The following VPS13B variants were observed in gnomAD, a reference collection of about 807,000 sequenced individuals.
The protein encoded by VPS13B is vacuolar protein sorting 13 homolog B, also known as intermembrane lipid transfer protein VPS13B.
VPS13B carries 285 observed loss-of-function variants against 426.4 expected under a neutral mutation model. The observed-to-expected ratio is 0.67, with a 90% CI of 0.61 to 0.74. The LOEUF is 0.74. VPS13B is among the 30% of genes least tolerant of loss of function. The pLI is 0.00. For missense variants in VPS13B, 4,537 were observed against 4,782.6 expected (o/e 0.95, Z 1.51); for synonymous variants, 1,676 against 1,676.4 (o/e 1.00, Z 0.01).
At chr8:99,440,320 C>T (rs1222013153) in intron 22 of VPS13B, among the ~76,000 whole-genome samples, 2 of 151,992 alleles carry the variant, frequency 1.3e-5, no homozygotes, top group East Asian at 1.9e-4. Flanking sequence ...ATGATCTGAC[C>T]CCCAGCTTGA....
At chr8:99,373,686 C>T (rs1813317186) in intron 19 of VPS13B, among the ~76,000 whole-genome samples, 2 of 152,010 alleles carry the variant, frequency 1.3e-5, no homozygotes. Context: ...AGTGAAACAT[C>T]GTCTCTGCAA....
At chr8:99,611,590 G>T (rs778562841) in intron 33 of VPS13B, among the ~76,000 whole-genome samples, 14 of 151,934 alleles carry the variant, frequency 9.2e-5, no homozygotes, top group Non-Finnish European at 1.9e-4. Flanking sequence ...AGCTTTGGAT[G>T]TGGCAATCAT....
At position 99,521,011 on chromosome 8, in the gene VPS13B, G is replaced by T; in HGVS notation, c.4745+1G>T. The T allele has an allele frequency of 6.2e-7, 1 of 1,612,566 alleles. No individual in the cohort carries two copies. The highest frequency in any genetic ancestry group is 8.5e-7 in the Non-Finnish European group (1 of 1,178,796). Reference sequence around the variant, plus strand: ...CTGTCCTTAGGAAAGATATTTACCAGTAAGTTTATTTTCTTATGTCCAATC... The same window carrying T: ...CTGTCCTTAGGAAAGATATTTACCATTAAGTTTATTTTCTTATGTCCAATC... On this transcript the variant is annotated splice_donor_variant, in intron 30 of 61. Coordinates refer to ENST00000357162, the MANE Select transcript of VPS13B (RefSeq NM_152564.5). LOFTEE classifies it high-confidence loss of function.
Position 99,486,255 on chromosome 8 carries a change from T to A in VPS13B, c.3870+4453T>A, listed in dbSNP as rs192215635. Among the ~76,000 whole-genome samples the A allele has an allele frequency of 1.1e-3, 171 of 152,206 alleles. 5 individuals carry two copies. In the East Asian group the frequency reaches 0.022, roughly 19 times the overall value. Reference sequence around the variant, plus strand: ...TCATGTTTGTTTTGGTTTTTTTTTTTACTATAGTTGTCCAGGCTGGAGTGC... The same window carrying A: ...TCATGTTTGTTTTGGTTTTTTTTTTAACTATAGTTGTCCAGGCTGGAGTGC... On this transcript the variant is annotated intron_variant, in intron 25 of 61. Transcript: ENST00000357162.
intron 35 of VPS13B, among the ~76,000 whole-genome samples, chr8:99,667,124 G>A (rs558770073): frequency 6.6e-6 from 1 of 152,254 alleles, no homozygotes; most frequent in African/African-American, 2.4e-5. Flanking sequence ...TGCATTTGAA[G>A]CTTCCCTGGG....
In VPS13B at chr8:99,041,777, C is replaced by T. The variant is rs527653350; in HGVS notation, c.291+3211C>T. On this transcript the variant is annotated intron_variant, in intron 3 of 61. Coordinates refer to ENST00000357162, the MANE Select transcript of VPS13B (RefSeq NM_152564.5). ...CTGAGGCAGGAGAATGGCATGAACC[C>T]GCGAGGTGGAGTTTGCAGTGATCCG... Among the ~76,000 whole-genome samples the T allele has an allele frequency of 4.7e-4, 71 of 151,486 alleles. 1 individual carries two copies. Among genetic ancestry groups the T allele is most frequent in the Admixed American group, 1.1e-3 (16 of 15,172 alleles).
chr8:99,308,503 A>G lies in VPS13B; in HGVS notation c.2824+33249A>G, dbSNP rs574930727. On this transcript the variant is annotated intron_variant, in intron 19 of 61. Coordinates refer to ENST00000357162, the MANE Select transcript of VPS13B (RefSeq NM_152564.5). The stretch of plus-strand genomic sequence containing the variant: ...CTTCATCCATGTCCCTACAAAGGAC[A>G]TGAACTCATCCTTTTTTATGGCTGC... Among the ~76,000 whole-genome samples, 926 of 152,308 alleles carry G rather than the reference A, an allele frequency of 6.1e-3. 13 individuals are homozygous for G. The highest frequency in any genetic ancestry group is 0.021 in the African/African-American group (881 of 41,546).
intron 33 of VPS13B, among the ~76,000 whole-genome samples, chr8:99,606,440 G>A (rs1291908623): frequency 2.8e-4 from 41 of 149,024 alleles, no homozygotes; most frequent in African/African-American, 9.9e-4. Context: ...TAAGGCTGAA[G>A]GATCACTTAA....
rs1348617806 is a variant in VPS13B, at chr8:99,556,497, A to C, written c.4793A>C (p.Glu1598Ala). The C allele has an allele frequency of 6.2e-7, 1 of 1,613,102 alleles. No homozygotes were observed. Among genetic ancestry groups the C allele is most frequent in the African/African-American group, 1.3e-5 (1 of 74,870 alleles). Residue 1598 changes from glutamate to alanine, a missense_variant, in exon 31 of 62, where the codon GAA becomes GCA. Around this residue, in one of 2 missense-constraint regions of VPS13B, gnomAD observed 4,311 missense variants for 4,474.3 expected, o/e 0.96. Coordinates refer to ENST00000357162, the MANE Select transcript of VPS13B (RefSeq NM_152564.5). ...GILRDPGSEI[E>A]DRQYQIDLQS... ...CTTCGAGATCCTGGATCAGAAATCG[A>C]AGACAGACAATACCAAATAGATCTG...
chr8:99,866,817 T>C (rs1385846351), intron 58 of VPS13B, among the ~76,000 whole-genome samples: 1 of 152,086 alleles, frequency 6.6e-6, no homozygotes, highest in Non-Finnish European at 1.5e-5. Flanking sequence ...CCAAATGGAG[T>C]GGAGCATCAA....
intron 23 of VPS13B, among the ~76,000 whole-genome samples, chr8:99,452,723 T>C (rs1212719027): frequency 2.0e-5 from 3 of 152,218 alleles, no homozygotes; most frequent in Admixed American, 2.0e-4. Flanking sequence ...TCTGTAGATT[T>C]GAGGCTCTGT....
intron 30 of VPS13B, among the ~76,000 whole-genome samples, chr8:99,539,448 A>G (rs1484551290): frequency 6.6e-6 from 1 of 152,220 alleles, no homozygotes; most frequent in Non-Finnish European, 1.5e-5. Flanking sequence ...GGAATTATTG[A>G]TACATAATAA....
chr8:99,135,234 T>C, intron 10 of VPS13B, 97 bp downstream of exon 10: 1 of 1,504,602 alleles, frequency 6.6e-7, no homozygotes, highest in Non-Finnish European at 9.1e-7. Context: ...AGACTATATA[T>C]ATCTCAGGCT....
At chr8:99,655,874 GT>G (rs2129702853) in intron 34 of VPS13B, among the ~76,000 whole-genome samples, 1 of 152,290 alleles carries the variant, frequency 6.6e-6, no homozygotes, top group East Asian at 1.9e-4. Context: ...TTTGCTAAGG[GT>G]TAAAAGAAAT....
intron 21 of VPS13B, among the ~76,000 whole-genome samples, chr8:99,417,490 A>G (rs1001452539): frequency 2.6e-5 from 4 of 152,186 alleles, no homozygotes; most frequent in African/African-American, 9.7e-5. Context: ...TGCTTCTTAA[A>G]CATCTCATGA....
At chr8:99,229,177 GT>G (rs1816183543) in intron 17 of VPS13B, among the ~76,000 whole-genome samples, 1 of 152,172 alleles carries the variant, frequency 6.6e-6, no homozygotes, top group East Asian at 1.9e-4. Flanking sequence ...GTTGGAAAGA[GT>G]CATCACATTG....
At chr8:99,552,949 C>T (rs1288512180) in intron 30 of VPS13B, among the ~76,000 whole-genome samples, 2 of 152,108 alleles carry the variant, frequency 1.3e-5, no homozygotes, top group Non-Finnish European at 2.9e-5. Context: ...AATCAAGATA[C>T]AGAACTGTCC....
chr8:99,401,880 ATAAATAAATGTGTT>A (rs1471631486), intron 21 of VPS13B, among the ~76,000 whole-genome samples: 1 of 152,164 alleles, frequency 6.6e-6, no homozygotes, highest in Non-Finnish European at 1.5e-5. Flanking sequence ...ACATAAATAA[ATAAATAAATGTGTT>A]TCTCATTTTT....
At chr8:99,771,643 G>A (rs1317539341) in intron 40 of VPS13B, among the ~76,000 whole-genome samples, 4 of 152,172 alleles carry the variant, frequency 2.6e-5, no homozygotes, top group Non-Finnish European at 5.9e-5. Context: ...CAGAGAAAGC[G>A]TGATGATGAA....
Sources: allele counts gnomAD v4.1 joint callset (sites outside exome capture counted in the v4.1 genomes callset), GRCh38; gene constraint gnomAD v4.1.1; regional missense constraint gnomAD v4.1.1; transcripts MANE v1.5; gene names NCBI Gene and HGNC (gene_info 2026-07-23, HGNC 2026-07-21).